Variants in PRDM5 observed in about 807,000 individuals in gnomAD.
PRDM5 encodes PR domain zinc finger protein 5.
A neutral mutation model predicts 81.2 loss-of-function variants in PRDM5; 56 were observed. That is an observed-to-expected ratio of 0.69 (90% CI 0.56 to 0.86). PRDM5 has a LOEUF of 0.86. PRDM5 is among the 40% of genes least tolerant of loss of function. The pLI is 0.00. For synonymous variants in PRDM5, 267 were observed against 256.4 expected (o/e 1.04, Z -0.39); for missense variants, 697 against 770.1 (o/e 0.91, Z 1.12).
chr4:120,693,420 G>A lies in PRDM5; in HGVS notation c.*1691C>T, dbSNP rs1018983579. The A allele has an allele frequency of 2.0e-5, 3 of 151,886 alleles. No homozygotes were observed. The highest frequency in any genetic ancestry group is 2.9e-5 in the Non-Finnish European group (2 of 67,952). The allele number at this position is 151,886 out of a possible 1,614,324, so 9.4% of individuals were successfully genotyped here. Reference sequence around the variant, plus strand: ...ACTTTAGATCTAAAAATATATTGTTGAAACAAATGATATAGTGAGAAACAA... The same window carrying A: ...ACTTTAGATCTAAAAATATATTGTTAAAACAAATGATATAGTGAGAAACAA... On this transcript the variant is annotated 3_prime_UTR_variant, in exon 16 of 16. Transcript: ENST00000264808.
At chr4:120,765,028 AT>A (rs1746181639) in intron 13 of PRDM5, among the ~76,000 whole-genome samples, 1 of 152,094 alleles carries the variant, frequency 6.6e-6, no homozygotes, top group East Asian at 1.9e-4. Flanking sequence ...TTATTGCTCT[AT>A]AATTACTTAT....
chr4:120,816,538 G>A lies in PRDM5; in HGVS notation c.780C>T (p.Ala260=). Residue 260 remains alanine, a synonymous_variant, in exon 7 of 16, where the codon GCC becomes GCT. Coordinates refer to ENST00000264808, the MANE Select transcript of PRDM5 (RefSeq NM_018699.4). ...EQHQETCRGD[A]RFVCKADSCG... ...AGCTGTCAGCCTTGCACACAAACCTGGCATCCCCCCGGCAAGTCTCCTGGT... is the reference window on the plus strand; with the variant it reads ...AGCTGTCAGCCTTGCACACAAACCTAGCATCCCCCCGGCAAGTCTCCTGGT... 6.2e-7 allele frequency: 1 copy of A among 1,614,040 alleles called. No homozygotes were observed. Among genetic ancestry groups the A allele is most frequent in the Non-Finnish European group, 8.5e-7 (1 of 1,180,002 alleles).
At position 120,707,320 on chromosome 4, in the gene PRDM5, G is replaced by A. The variant is rs565533951; in HGVS notation, c.1728+2989C>T. Among the ~76,000 whole-genome samples the A allele has an allele frequency of 2.0e-3, 278 of 140,540 alleles. 1 individual carries two copies. The highest frequency in any genetic ancestry group is 7.2e-3 in the Middle Eastern group (2 of 276). The allele number at this position is 140,540 out of a possible 152,430, so 92.2% of individuals were successfully genotyped here. ...AATACATCATACGAACAGAACAAAG[G>A]GAAAAAAAAAACATAGTCATCTCAA... On this transcript the variant is annotated intron_variant, in intron 15 of 15. Transcript: ENST00000264808.
chr4:120,688,351 T>C (rs1733910949), downstream of PRDM5, among the ~76,000 whole-genome samples: 1 of 152,094 alleles, frequency 6.6e-6, no homozygotes, highest in African/African-American at 2.4e-5. Context: ...TGTTGAGTTG[T>C]AGGAATTTTT....
chr4:120,886,157 T>C (rs1412266523), intron 2 of PRDM5, among the ~76,000 whole-genome samples: 1 of 150,670 alleles, frequency 6.6e-6, no homozygotes, highest in East Asian at 2.0e-4. Flanking sequence ...TAAGGCTTCA[T>C]AGGTGGTATT....
chr4:120,918,635 A>ATTTTT (rs534148936), intron 1 of PRDM5, among the ~76,000 whole-genome samples: 256 of 109,882 alleles, frequency 2.3e-3, no homozygotes, highest in Non-Finnish European at 2.8e-3. Context: ...TACGTCAGGT[A>ATTTTT]TTTTTTTTTT....
At chr4:120,849,543 G>A (rs1223674873) in intron 3 of PRDM5, among the ~76,000 whole-genome samples, 1 of 152,048 alleles carries the variant, frequency 6.6e-6, no homozygotes, top group Admixed American at 6.6e-5. Context: ...TTACCCAAAT[G>A]TTTTTACCTT....
In PRDM5 at chr4:120,811,226, T is replaced by A. The variant is rs1166063996; in HGVS notation, c.945+144A>T. ...ACAAATTATATTAAATAGTTGCTAA[T>A]GTTGTTAGAGTTAATAATTGCCATT... On this transcript the variant is annotated intron_variant, in intron 8 of 15. Coordinates refer to ENST00000264808, the MANE Select transcript of PRDM5 (RefSeq NM_018699.4). 3 of 494,220 alleles carry A rather than the reference T, an allele frequency of 6.1e-6. No individual in the cohort carries two copies. The East Asian group carries it at 9.8e-5, about 16-fold the overall frequency. The allele number at this position is 494,220 out of a possible 1,614,324, so 30.6% of individuals were successfully genotyped here. A position where few individuals can be genotyped will look rare whatever the true frequency, so the allele number is the denominator to read the frequency against.
chr4:120,888,786 T>A (rs766874958), intron 2 of PRDM5, among the ~76,000 whole-genome samples: 2 of 152,210 alleles, frequency 1.3e-5, no homozygotes, highest in Admixed American at 6.5e-5. Context: ...TTTTAGTCAT[T>A]TTGGTGAACA....
At chr4:120,743,088 A>G (rs1365816598) in intron 14 of PRDM5, among the ~76,000 whole-genome samples, 1 of 152,016 alleles carries the variant, frequency 6.6e-6, no homozygotes, top group Non-Finnish European at 1.5e-5. Context: ...CTCTCGGCAG[A>G]AACCCTACAA....
At chr4:120,778,017 TCCC>T (rs1223435102) in intron 12 of PRDM5, among the ~76,000 whole-genome samples, 1 of 152,044 alleles carries the variant, frequency 6.6e-6, no homozygotes, top group African/African-American at 2.4e-5. Context: ...CCAGTTTTGC[TCCC>T]AACATAAAAA....
Position 120,818,377 on chromosome 4 carries a change from G to C in PRDM5, c.626C>G (p.Pro209Arg), listed in dbSNP as rs1754818761. The C allele has an allele frequency of 6.2e-7, 1 of 1,613,944 alleles. No homozygotes were observed. Among genetic ancestry groups the C allele is most frequent in the Non-Finnish European group, 8.5e-7 (1 of 1,179,912 alleles). Residue 209 changes from proline to arginine, a missense_variant, in exon 5 of 16, where the codon CCA (proline) becomes CGA (arginine). By Grantham distance (103) the Pro-to-Arg change is moderately radical. Around this residue, in one of 3 missense-constraint regions of PRDM5, gnomAD observed 577 missense variants for 606.7 expected, o/e 0.95. Transcript: ENST00000264808. ...CTGTCTTTGCAAAGCCTGCTTAACT[G>C]GGAATTTCTTCCCACAGTTCTTGCA... ...FKCKNCGKKF[P>R]VKQALQRHVL...
chr4:120,907,348 A>G (rs1561687084), intron 2 of PRDM5, 126 bp downstream of exon 2: 2 of 890,270 alleles, frequency 2.2e-6, no homozygotes, highest in Non-Finnish European at 3.5e-6. Flanking sequence ...AAAAAAAAAA[A>G]AAACCTAAAA....
In PRDM5 at chr4:120,781,268, T is replaced by C. The variant is rs774028494; in HGVS notation, c.1318A>G (p.Thr440Ala). The change falls in exon 12 of 16, where the codon ACC becomes GCC. Residue 440 changes from threonine (T) to alanine (A), a missense_variant. Coordinates refer to ENST00000264808, the MANE Select transcript of PRDM5 (RefSeq NM_018699.4). ...TTTAATGTATCCTTCCTCTTAAAGG[T>C]AGCATCGCAGTGATGGCACTTGAAA... ...RTFKCHHCDA[T>A]FKRKDTLNVH... The C allele has an allele frequency of 1.2e-6, 2 of 1,613,214 alleles. No homozygotes were observed. Among genetic ancestry groups the C allele is most frequent in the Non-Finnish European group, 1.7e-6 (2 of 1,179,428 alleles).
intron 2 of PRDM5, among the ~76,000 whole-genome samples, chr4:120,892,226 T>C (rs1764133617): frequency 6.6e-6 from 1 of 152,104 alleles, no homozygotes; most frequent in African/African-American, 2.4e-5. Flanking sequence ...CTGAGGATTG[T>C]TTTATGCCTA....
chr4:120,728,704 G>A (rs1007841783), intron 14 of PRDM5, among the ~76,000 whole-genome samples: 2 of 152,132 alleles, frequency 1.3e-5, no homozygotes, highest in African/African-American at 2.4e-5. Context: ...CTAGTGTTGC[G>A]TTAGAAGCAT....
intron 1 of PRDM5, among the ~76,000 whole-genome samples, chr4:120,910,482 C>G (rs1303392845): frequency 1.3e-5 from 2 of 152,212 alleles, no homozygotes; most frequent in Non-Finnish European, 2.9e-5. Flanking sequence ...CTCTATCATA[C>G]AAACAGTAGT....
intron 3 of PRDM5, among the ~76,000 whole-genome samples, chr4:120,844,420 A>G (rs532324514): frequency 6.6e-6 from 1 of 152,252 alleles, no homozygotes; most frequent in South Asian, 2.1e-4. Flanking sequence ...CTCCAACACC[A>G]TGTGCTTACT....
At chr4:120,699,155 A>ATAT (rs1734931871) in intron 15 of PRDM5, among the ~76,000 whole-genome samples, 3 of 89,574 alleles carry the variant, frequency 3.3e-5, no homozygotes, top group African/African-American at 4.5e-5. Flanking sequence ...AATTATAGGA[A>ATAT]ATATAAATAT....
Sources: allele counts gnomAD v4.1 joint callset (sites outside exome capture counted in the v4.1 genomes callset), GRCh38; gene constraint gnomAD v4.1.1; regional missense constraint gnomAD v4.1.1; transcripts MANE v1.5; gene names NCBI Gene and HGNC (gene_info 2026-07-23, HGNC 2026-07-21).